PLXDC2: variants seen among roughly 807,000 people sequenced by gnomAD.
PLXDC2 encodes plexin domain containing 2.
PLXDC2 carries 40 observed loss-of-function variants against 68.9 expected under a neutral mutation model. That is an observed-to-expected ratio of 0.58 (90% CI 0.45 to 0.76). The LOEUF (loss-of-function observed/expected upper bound fraction) is 0.76. Among genes scored for constraint, PLXDC2 ranks in the 30% least tolerant of loss-of-function variants. PLXDC2 has a pLI of 0.00. For missense variants in PLXDC2, 644 were observed against 661.9 expected (o/e 0.97, Z 0.30); for synonymous variants, 243 against 234.2 (o/e 1.04, Z -0.34).
chr10:20,067,944 T>C (rs7900666), intron 3 of PLXDC2, among the ~76,000 whole-genome samples: 1 of 152,318 alleles, frequency 6.6e-6, no homozygotes, highest in Non-Finnish European at 1.5e-5. Context: ...AGTGGACAAC[T>C]AAAATGCCGT....
At chr10:19,957,146 A>G (rs1239976398) in intron 1 of PLXDC2, among the ~76,000 whole-genome samples, 2 of 152,172 alleles carry the variant, frequency 1.3e-5, no homozygotes, top group Non-Finnish European at 2.9e-5. Context: ...AGAGTTCACA[A>G]GCAAACTAGT....
At chr10:20,238,694 C>CAA (rs1253597995) in intron 12 of PLXDC2, among the ~76,000 whole-genome samples, 1 of 23,334 alleles carries the variant, frequency 4.3e-5, no homozygotes, top group Non-Finnish European at 1.2e-4. Flanking sequence ...TATATATATA[C>CAA]ACACATATAT....
chr10:20,063,596 G>T (rs1836142309), intron 3 of PLXDC2, among the ~76,000 whole-genome samples: 1 of 85,084 alleles, frequency 1.2e-5, no homozygotes, highest in Non-Finnish European at 1.9e-5. Flanking sequence ...TATTAAAAAA[G>T]AATTAGCAGA....
chr10:20,097,536 C>T (rs578150270), intron 4 of PLXDC2, among the ~76,000 whole-genome samples: 6 of 152,170 alleles, frequency 3.9e-5, no homozygotes, highest in South Asian at 4.1e-4. Context: ...ATACCTTTTG[C>T]GCTTTGCATG....
intron 13 of PLXDC2, among the ~76,000 whole-genome samples, chr10:20,262,581 C>T (rs1011416074): frequency 1.3e-5 from 2 of 152,170 alleles, no homozygotes; most frequent in Non-Finnish European, 2.9e-5. Context: ...AGAAGGAATA[C>T]CCCAGCAAAG....
intron 1 of PLXDC2, among the ~76,000 whole-genome samples, chr10:19,985,193 C>G (rs1446809635): frequency 1.3e-5 from 2 of 152,214 alleles, no homozygotes; most frequent in Non-Finnish European, 2.9e-5. Context: ...GGACCTCAGA[C>G]ACAGTCTCTG....
intron 1 of PLXDC2, among the ~76,000 whole-genome samples, chr10:19,918,290 T>C (rs1434738158): frequency 5.9e-5 from 9 of 152,214 alleles, no homozygotes; most frequent in African/African-American, 1.9e-4. Flanking sequence ...CACCCATTCT[T>C]TTCAAAAGAA....
intron 4 of PLXDC2, among the ~76,000 whole-genome samples, chr10:20,096,641 C>T (rs10508612): frequency 0.44 from 66,858 of 151,804 alleles, 14,921 homozygotes; most frequent in South Asian, 0.7. Flanking sequence ...CATGCAGAAA[C>T]GAATCAAGTA....
chr10:20,135,254 C>T (rs935244342), intron 4 of PLXDC2, among the ~76,000 whole-genome samples: 3 of 152,114 alleles, frequency 2.0e-5, no homozygotes, highest in Non-Finnish European at 4.4e-5. Context: ...ACTTGATGGC[C>T]AGTTCAATGT....
chr10:19,943,235 T>G (rs1486801514), intron 1 of PLXDC2, among the ~76,000 whole-genome samples: 3 of 143,872 alleles, frequency 2.1e-5, no homozygotes, highest in Non-Finnish European at 4.7e-5. Flanking sequence ...TTTGCTGATT[T>G]GATAGAACTT....
intron 2 of PLXDC2, among the ~76,000 whole-genome samples, chr10:20,013,967 G>C (rs2131646790): frequency 6.6e-6 from 1 of 152,168 alleles, no homozygotes; most frequent in South Asian, 2.1e-4. Flanking sequence ...ATACAGAAAT[G>C]TGCTAGAACA....
At chr10:19,856,067 G>A (rs995122618) in intron 1 of PLXDC2, among the ~76,000 whole-genome samples, 11 of 152,110 alleles carry the variant, frequency 7.2e-5, no homozygotes, top group African/African-American at 2.7e-4. Flanking sequence ...TGCACTCCAG[G>A]CTGGGTGATA....
chr10:20,257,475 AAAG>A (rs1424884628), intron 13 of PLXDC2, among the ~76,000 whole-genome samples: 1 of 152,200 alleles, frequency 6.6e-6, no homozygotes, highest in Non-Finnish European at 1.5e-5. Context: ...CACAAACAAC[AAAG>A]AAGTCTATAG....
chr10:19,852,765 T>A (rs1837146394), intron 1 of PLXDC2, among the ~76,000 whole-genome samples: 1 of 152,174 alleles, frequency 6.6e-6, no homozygotes, highest in African/African-American at 2.4e-5. Context: ...TTTATTATTT[T>A]GTCTAGTCTA....
chr10:20,021,333 T>C (rs761662567), intron 2 of PLXDC2, among the ~76,000 whole-genome samples: 1 of 152,196 alleles, frequency 6.6e-6, no homozygotes, highest in Non-Finnish European at 1.5e-5. Flanking sequence ...GGTATATACA[T>C]GCCCTGGTGG....
intron 12 of PLXDC2, among the ~76,000 whole-genome samples, chr10:20,237,074 A>ATTT (rs1329145104): frequency 6.6e-6 from 1 of 151,876 alleles, no homozygotes; most frequent in Non-Finnish European, 1.5e-5. Context: ...CCCTGAATAA[A>ATTT]TTTCACAGCT....
chr10:19,942,478 T>C (rs1833835261), intron 1 of PLXDC2, among the ~76,000 whole-genome samples: 1 of 152,194 alleles, frequency 6.6e-6, no homozygotes, highest in Admixed American at 6.5e-5. Flanking sequence ...TTAAATCTAA[T>C]TGGGCCAGGC....
chr10:19,948,581 C>A (rs1201723017), intron 1 of PLXDC2, among the ~76,000 whole-genome samples: 2 of 151,764 alleles, frequency 1.3e-5, no homozygotes, highest in African/African-American at 2.4e-5. Flanking sequence ...TGTCTGGGAT[C>A]AGAAAAATGT....
chr10:19,954,827 A>T (rs1038647120), intron 1 of PLXDC2, among the ~76,000 whole-genome samples: 1 of 152,128 alleles, frequency 6.6e-6, no homozygotes, highest in Non-Finnish European at 1.5e-5. Context: ...TAATCAGAAC[A>T]CCTTTTGGTC....
Sources: allele counts gnomAD v4.1 joint callset (sites outside exome capture counted in the v4.1 genomes callset), GRCh38; gene constraint gnomAD v4.1.1; transcripts MANE v1.5; gene names NCBI Gene and HGNC (gene_info 2026-07-23, HGNC 2026-07-21).